OXSR1: variants seen among roughly 807,000 people sequenced by gnomAD.
OXSR1 encodes oxidative stress responsive kinase 1.
In OXSR1, 24 loss-of-function variants were observed where a neutral mutation model predicts 79.8. The ratio of observed to expected loss-of-function variants is 0.30; its 90% CI spans 0.22 to 0.42. OXSR1 has a LOEUF of 0.42. Ranked by LOEUF, OXSR1 falls within the 10% of genes least tolerant of loss-of-function variation. The pLI is 1.00. For missense variants in OXSR1, 430 were observed against 618.4 expected, an observed-to-expected ratio of 0.70 and a Z score of 3.23; for synonymous variants, 226 against 209.2, an observed-to-expected ratio of 1.08 and a Z score of -0.69.
chr3:38,183,283 A>C (rs1200740900), intron 2 of OXSR1, among the ~76,000 whole-genome samples, 168 bp downstream of exon 2: 1 of 152,262 alleles, frequency 6.6e-6, no homozygotes, highest in Non-Finnish European at 1.5e-5. Context: ...AAGTAGAAAA[A>C]AATTAGTTAT....
intron 4 of OXSR1, among the ~76,000 whole-genome samples, chr3:38,215,486 T>G (rs1702465459): frequency 6.6e-6 from 1 of 152,178 alleles, no homozygotes; most frequent in Admixed American, 6.5e-5. Flanking sequence ...ATAATATTGT[T>G]TACATTGGGA....
chr3:38,208,981 TGTGTGC>T (rs147292175), intron 4 of OXSR1, among the ~76,000 whole-genome samples: 12,551 of 151,424 alleles, frequency 0.083, 668 homozygotes, highest in African/African-American at 0.15. Flanking sequence ...TGTGTGTGTG[TGTGTGC>T]GCGCGCGCGT....
At chr3:38,233,400 T>A (rs1185692639) in intron 10 of OXSR1, among the ~76,000 whole-genome samples, 1 of 152,148 alleles carries the variant, frequency 6.6e-6, no homozygotes, top group Non-Finnish European at 1.5e-5. Flanking sequence ...CACTCTGCAG[T>A]GAAGCAAACT....
intron 1 of OXSR1, among the ~76,000 whole-genome samples, chr3:38,172,475 T>C (rs1701600695): frequency 6.6e-6 from 1 of 152,214 alleles, no homozygotes; most frequent in Non-Finnish European, 1.5e-5. Context: ...AACTTAATAC[T>C]AGGTTTAAGG....
chr3:38,180,627 G>C (rs1307207766), intron 1 of OXSR1, among the ~76,000 whole-genome samples: 2 of 150,072 alleles, frequency 1.3e-5, no homozygotes, highest in Admixed American at 1.3e-4. Flanking sequence ...TGCCTCCCAG[G>C]CTCAAATGAT....
At chr3:38,202,523 G>A (rs1049132347) in intron 4 of OXSR1, among the ~76,000 whole-genome samples, 1 of 152,182 alleles carries the variant, frequency 6.6e-6, no homozygotes, top group Non-Finnish European at 1.5e-5. Context: ...GGAACTACAG[G>A]CATGTGCCAC....
At chr3:38,231,363 A>G (rs544309081) in intron 10 of OXSR1, among the ~76,000 whole-genome samples, 6 of 152,234 alleles carry the variant, frequency 3.9e-5, no homozygotes, top group South Asian at 2.1e-4. Flanking sequence ...AACATGGACA[A>G]TGTCATCCCA....
At chr3:38,181,459 C>T (rs1701785298) in intron 1 of OXSR1, among the ~76,000 whole-genome samples, 1 of 150,252 alleles carries the variant, frequency 6.7e-6, no homozygotes, top group Non-Finnish European at 1.5e-5. Context: ...AGGTTCAAGT[C>T]ATTCTCGTGC....
intron 3 of OXSR1, among the ~76,000 whole-genome samples, chr3:38,196,301 A>G (rs926734892): frequency 6.6e-6 from 1 of 152,242 alleles, no homozygotes; most frequent in East Asian, 1.9e-4. Flanking sequence ...GCTGACCTGC[A>G]TTCTTTATAA....
rs1330820221 is a variant in OXSR1 at position 38,222,606 on chromosome 3, C to G, written c.600+919C>G. On this transcript the variant is annotated intron_variant, in intron 6 of 17. Transcript: ENST00000311806. ...TCTTACACACTACACACTCCCCAAA[C>G]CTATTTCTCCTATATTGCTTAGGAT... Among the ~76,000 whole-genome samples the G allele has an allele frequency of 2.6e-5, 4 of 152,120 alleles. No homozygotes were observed. The South Asian group carries it at 8.3e-4, about 31-fold the overall frequency.
At chr3:38,189,230 T>G (rs1701939968) in intron 2 of OXSR1, among the ~76,000 whole-genome samples, 1 of 152,188 alleles carries the variant, frequency 6.6e-6, no homozygotes, top group Non-Finnish European at 1.5e-5. Context: ...TTATAACATT[T>G]ATCTTTTTTT....
chr3:38,211,482 A>G (rs1702386339), intron 4 of OXSR1, among the ~76,000 whole-genome samples: 1 of 152,160 alleles, frequency 6.6e-6, no homozygotes, highest in South Asian at 2.1e-4. Flanking sequence ...TTTGTTTTAA[A>G]GATAGATCTT....
intron 15 of OXSR1, among the ~76,000 whole-genome samples, chr3:38,250,671 A>G (rs1339227119): frequency 6.6e-6 from 1 of 152,204 alleles, no homozygotes; most frequent in Non-Finnish European, 1.5e-5. Flanking sequence ...CTGTCTCACT[A>G]TCATGAGCAA....
chr3:38,173,266 A>G (rs887168969), intron 1 of OXSR1, among the ~76,000 whole-genome samples: 2 of 151,708 alleles, frequency 1.3e-5, no homozygotes, highest in African/African-American at 4.8e-5. Flanking sequence ...TATTGGCCTC[A>G]TTTTTTTTTA....
intron 3 of OXSR1, among the ~76,000 whole-genome samples, chr3:38,195,660 T>C (rs1392823851): frequency 6.6e-6 from 1 of 152,222 alleles, no homozygotes; most frequent in Non-Finnish European, 1.5e-5. Context: ...AATTAACTTG[T>C]TGATGGGGTC....
At chr3:38,210,528 A>AAGCTCATCC (rs1419857284) in intron 4 of OXSR1, among the ~76,000 whole-genome samples, 1 of 151,882 alleles carries the variant, frequency 6.6e-6, no homozygotes, top group Non-Finnish European at 1.5e-5. Flanking sequence ...GTAGGAGGTA[A>AAGCTCATCC]AGCTCATCCA....
rs144634381 is a variant in OXSR1 at position 38,233,812 on chromosome 3, T to A, written c.952-3027T>A. On this transcript the variant is annotated intron_variant, in intron 10 of 17. Transcript: ENST00000311806. ...CTGTGGTTCCAGCTGCTCAGGAGGC[T>A]GAGGCAGGAGGATCGCTTGAGCCCA... 7.1e-3 allele frequency among the ~76,000 whole-genome samples: 1,079 copies of A among 151,850 alleles called. 18 individuals are homozygous for A. The highest frequency in any genetic ancestry group is 0.025 in the African/African-American group (1,035 of 41,376).
At position 38,165,547 on chromosome 3, in the gene OXSR1, T is replaced by TGGGGCTGGGGTGGAGGGCGGGATAGA; in HGVS notation, c.-308_-307insTAGAGGGGCTGGGGTGGAGGGCGGGA. On this transcript the variant is annotated 5_prime_UTR_variant, in exon 1 of 18. Coordinates refer to ENST00000311806, the MANE Select transcript of OXSR1 (RefSeq NM_005109.3). Reference sequence around the variant, plus strand: ...AAGAGGGGAAAGTTTGGCCCGTGCGTGGGGCTGGGGTGGAGGGCGGGACAG... The same window carrying TGGGGCTGGGGTGGAGGGCGGGATAGA: ...AAGAGGGGAAAGTTTGGCCCGTGCGTGGGGCTGGGGTGGAGGGCGGGATAGAGGGGCTGGGGTGGAGGGCGGGACAG... 1 of 309,440 alleles carries TGGGGCTGGGGTGGAGGGCGGGATAGA rather than the reference T, an allele frequency of 3.2e-6. No individual in the cohort carries two copies. Among genetic ancestry groups the TGGGGCTGGGGTGGAGGGCGGGATAGA allele is most frequent in the Non-Finnish European group, 6.0e-6 (1 of 166,484 alleles). 19.2% of individuals were successfully genotyped at this position (309,440 alleles called of 1,614,324 possible). A position where few individuals can be genotyped will look rare whatever the true frequency, so the allele number is the denominator to read the frequency against.
chr3:38,195,146 C>T (rs1186881352), intron 3 of OXSR1, among the ~76,000 whole-genome samples: 1 of 152,040 alleles, frequency 6.6e-6, no homozygotes, highest in Non-Finnish European at 1.5e-5. Context: ...TAGCTATTTC[C>T]AGTTTATTAG....
Sources: allele counts gnomAD v4.1 joint callset (sites outside exome capture counted in the v4.1 genomes callset), GRCh38; gene constraint gnomAD v4.1.1; transcripts MANE v1.5; gene names NCBI Gene and HGNC (gene_info 2026-07-23, HGNC 2026-07-21).